Variants in PRR5 observed in about 807,000 individuals in gnomAD.
PRR5 encodes proline rich 5, also known as proline-rich protein 5.
In PRR5, 25 loss-of-function variants were observed where a neutral mutation model predicts 30.6. The ratio of observed to expected loss-of-function variants is 0.82; its 90% confidence interval spans 0.60 to 1.14. The LOEUF is 1.14. Ranked by LOEUF, PRR5 falls within the 50% of genes most tolerant of loss-of-function variation. The pLI, the probability that PRR5 is intolerant of heterozygous loss-of-function variation, is 0.00. For missense variants in PRR5, 600 were observed against 547.1 expected, an observed-to-expected ratio of 1.10 and a Z score of -0.96; for synonymous variants, 286 against 247.1, an observed-to-expected ratio of 1.16 and a Z score of -1.48.
rs530894847 is a variant in PRR5, at chr22:44,708,767, G to T, written c.135-5824G>T. ...GGATCATCTGAGGTCAGGAGTTCAAGACCAGCCTGGCCAACATGGTGAAAC... is the reference window on the plus strand; with the variant it reads ...GGATCATCTGAGGTCAGGAGTTCAATACCAGCCTGGCCAACATGGTGAAAC... On this transcript the variant is annotated intron_variant, in intron 1 of 7. Coordinates refer to ENST00000336985, the MANE Select transcript of PRR5 (RefSeq NM_181333.4). Among the ~76,000 whole-genome samples the T allele has an allele frequency of 2.0e-5, 3 of 152,154 alleles. No individual in the cohort carries two copies. In the East Asian group the frequency reaches 5.8e-4, roughly 29 times the overall value.
At chr22:44,729,947 C>A in intron 4 of PRR5, 1 of 985,444 alleles carries the variant, frequency 1.0e-6, no homozygotes, top group Non-Finnish European at 1.2e-6. Flanking sequence ...GGGCACAGTT[C>A]GGCGGGGCGG....
At chr22:44,725,130 C>T in intron 2 of PRR5, 114 bp from the exon 3 acceptor site, 1 of 1,493,124 alleles carries the variant, frequency 6.7e-7, no homozygotes, top group East Asian at 2.3e-5. Context: ...TGTTTTTGGG[C>T]TGGCTGAGCA....
At chr22:44,669,985 T>C (rs1013345383) in intron 1 of PRR5, among the ~76,000 whole-genome samples, 3 of 152,220 alleles carry the variant, frequency 2.0e-5, no homozygotes, top group Non-Finnish European at 4.4e-5. Context: ...TCCTCCTTGA[T>C]GACAGTGCTT....
At chr22:44,728,079 G>A (rs1373204181) in intron 4 of PRR5, among the ~76,000 whole-genome samples, 1 of 152,212 alleles carries the variant, frequency 6.6e-6, no homozygotes, top group African/African-American at 2.4e-5. Flanking sequence ...TGTGTGGCTT[G>A]AAAGGAGCTC....
chr22:44,697,857 G>C (rs574765692), upstream of PRR5, among the ~76,000 whole-genome samples: 1 of 152,220 alleles, frequency 6.6e-6, no homozygotes, highest in African/African-American at 2.4e-5. Context: ...GTGGGGACGA[G>C]TCGGGGCAGT....
Position 44,737,361 on chromosome 22 carries a change from G to C in PRR5, c.*114G>C, listed in dbSNP as rs1174713379. 3 of 1,441,248 alleles carry C rather than the reference G, an allele frequency of 2.1e-6. No individual in the cohort carries two copies. Among genetic ancestry groups the C allele is most frequent in the Non-Finnish European group, 1.8e-6 (2 of 1,098,176 alleles). The allele number at this position is 1,441,248 out of a possible 1,614,324, so 89.3% of individuals were successfully genotyped here. A position where few individuals can be genotyped will look rare whatever the true frequency, so the allele number is the denominator to read the frequency against. On this transcript the variant is annotated 3_prime_UTR_variant, in exon 8 of 8. Transcript: ENST00000336985. Reference sequence around the variant, plus strand: ...TGCGTCCCGTCCCGCCAGCCCTATCGGCCTCGTCACTGGCCTTGGTCACTT... The same window carrying C: ...TGCGTCCCGTCCCGCCAGCCCTATCCGCCTCGTCACTGGCCTTGGTCACTT...
intron 1 of PRR5, among the ~76,000 whole-genome samples, chr22:44,685,109 T>C (rs12168856): frequency 0.093 from 14,081 of 152,224 alleles, 831 homozygotes; most frequent in East Asian, 0.29. Flanking sequence ...TCGGAGCCTC[T>C]GGTTCCTCTT....
At position 44,669,911 on chromosome 22, in the gene PRR5, G is replaced by A. The variant is rs780922463; in HGVS notation, c.-11+1106G>A. Among the ~76,000 whole-genome samples the A allele has an allele frequency of 3.9e-5, 6 of 152,294 alleles. No homozygotes were observed. The East Asian group carries it at 7.7e-4, about 20-fold the overall frequency. ...GCCCCTCCGGCCTTCTGCACTCGGC[G>A]CAGCCTCCAGAATCCTGGGGGTAAG... On this transcript the variant is annotated intron_variant, in intron 1 of 8. Transcript: ENST00000432186.
intron 4 of PRR5, among the ~76,000 whole-genome samples, chr22:44,726,982 A>C (rs1455153019): frequency 4.6e-5 from 7 of 151,764 alleles, no homozygotes; most frequent in Non-Finnish European, 1.0e-4. Context: ...GTCAGAGGAG[A>C]AGTCGGTTAG....
intron 4 of PRR5, chr22:44,729,500 C>T (rs1921520416): frequency 1.0e-6 from 1 of 985,480 alleles, no homozygotes; most frequent in Admixed American, 6.1e-5. Context: ...CCGGCCCCGT[C>T]CTGCCGGCAG....
chr22:44,683,767 C>T (rs551218365), intron 1 of PRR5, among the ~76,000 whole-genome samples: 89 of 152,340 alleles, frequency 5.8e-4, no homozygotes, highest in Admixed American at 1.3e-3. Context: ...CCCCATGGCT[C>T]ATTAGCTACA....
chr22:44,685,022 G>A lies in PRR5; in HGVS notation c.-11+7782G>A, dbSNP rs147789815. 3.1e-3 allele frequency among the ~76,000 whole-genome samples: 474 copies of A among 152,290 alleles called. 6 individuals carry two copies. The highest frequency in any genetic ancestry group is 0.011 in the African/African-American group (439 of 41,540). On this transcript the variant is annotated intron_variant, in intron 1 of 8. Transcript: ENST00000006251. ...GGTTACTGACCGTGGGAAGCGTGTA[G>A]CTCCAGAGTCACAGCTGGGCTCTGA...
chr22:44,717,243 G>A (rs1276527130), intron 2 of PRR5, among the ~76,000 whole-genome samples: 1 of 143,660 alleles, frequency 7.0e-6, no homozygotes, highest in Non-Finnish European at 1.5e-5. Context: ...CCAGGCTGGA[G>A]TGCAGTGGTG....
chr22:44,730,808 T>C, intron 4 of PRR5: 1 of 474,824 alleles, frequency 2.1e-6, no homozygotes, highest in Non-Finnish European at 3.5e-6. Flanking sequence ...GGCCTGGCCC[T>C]GGGTCCTCTG....
upstream of PRR5, among the ~76,000 whole-genome samples, chr22:44,699,282 CCTCT>C (rs1569077533): frequency 6.6e-6 from 1 of 152,190 alleles, no homozygotes; most frequent in East Asian, 1.9e-4. Context: ...GGCCTCCCTC[CCTCT>C]CTGGAGCTGG....
At chr22:44,719,649 C>G (rs1929633488) in intron 2 of PRR5, among the ~76,000 whole-genome samples, 1 of 152,184 alleles carries the variant, frequency 6.6e-6, no homozygotes, top group African/African-American at 2.4e-5. Context: ...CTGTCTGGGG[C>G]AGTCTCTCTT....
chr22:44,679,553 A>C, intron 1 of PRR5: 1 of 338,268 alleles, frequency 3.0e-6, no homozygotes. Context: ...AAAAATACAA[A>C]AAAATTAGCT....
At chr22:44,698,082 G>A (rs1925923761), upstream of PRR5, among the ~76,000 whole-genome samples, 1 of 152,192 alleles carries the variant, frequency 6.6e-6, no homozygotes, top group African/African-American at 2.4e-5. Context: ...GTCCAGCCGG[G>A]GCTGAGCCAG....
chr22:44,686,977 C>T (rs1275697025), intron 1 of PRR5, among the ~76,000 whole-genome samples: 1 of 152,180 alleles, frequency 6.6e-6, no homozygotes, highest in African/African-American at 2.4e-5. Flanking sequence ...TTTACAGTCT[C>T]CTCCAATGGT....
Sources: gnomAD v4.1 joint callset for allele counts (sites outside exome capture counted in the v4.1 genomes callset) on GRCh38, gnomAD v4.1.1 for gene constraint, MANE v1.5 for transcripts, NCBI Gene and HGNC (gene_info 2026-07-23, HGNC 2026-07-21) for gene names.